Variants in PEBP4 observed in about 807,000 individuals in gnomAD.
The protein encoded by PEBP4 is phosphatidylethanolamine binding protein 4.
Under a neutral mutation model 23.9 loss-of-function variants are expected in PEBP4, and 22 were observed. The observed-to-expected ratio is 0.92, with a 90% CI of 0.66 to 1.31. The LOEUF is 1.31. PEBP4 is among the 40% of genes most tolerant of loss of function. The pLI is 0.00. For synonymous variants in PEBP4, 112 were observed against 99.3 expected, an observed-to-expected ratio of 1.13 and a Z score of -0.76; for missense variants, 324 against 281.7, an observed-to-expected ratio of 1.15 and a Z score of -1.07.
rs1807868775 is a variant in PEBP4, at chr8:22,865,389, CGGG to C, written c.259-47657_259-47655del. On this transcript the variant is annotated intron_variant, in intron 3 of 6. Transcript: ENST00000256404. The surrounding 1 kb of genome is among the most constrained non-coding windows in gnomAD (Gnocchi z 6.9). Reference sequence around the variant, plus strand: ...ACGGTGGCGGTGGCGGTGGCGGCGGCGGGACCCCGGGCCTGGCTGCGCGCTCCA... The same window carrying C: ...ACGGTGGCGGTGGCGGTGGCGGCGGCACCCCGGGCCTGGCTGCGCGCTCCA... Among the ~76,000 whole-genome samples, 1 of 150,984 alleles carries C rather than the reference CGGG, an allele frequency of 6.6e-6. No individual in the cohort carries two copies. Among genetic ancestry groups the C allele is most frequent in the Non-Finnish European group, 1.5e-5 (1 of 67,762 alleles).
chr8:22,910,722 T>C (rs1808919789), intron 3 of PEBP4, among the ~76,000 whole-genome samples: 1 of 152,174 alleles, frequency 6.6e-6, no homozygotes, highest in South Asian at 2.1e-4. Flanking sequence ...GACTACATAT[T>C]GTATGATTCC....
chr8:22,832,915 T>C (rs1807116870), intron 3 of PEBP4, among the ~76,000 whole-genome samples: 1 of 149,414 alleles, frequency 6.7e-6, no homozygotes, highest in South Asian at 2.2e-4. Flanking sequence ...TCAGGCTGGG[T>C]CACTGTCCCT....
In PEBP4 at chr8:22,775,351, C is replaced by T. The variant is rs370995594; in HGVS notation, c.357+42286G>A. On this transcript the variant is annotated intron_variant, in intron 4 of 6. Transcript: ENST00000256404. This position sits in a 1 kb window ranked among gnomAD's most constrained non-coding sequence, Gnocchi z 4.8. Reference sequence around the variant, plus strand: ...GGCCCGTCTGCCAGGGAGAAGCCTCCGGGTGGTCTCTGCTGGGTGGGCCCA... The same window carrying T: ...GGCCCGTCTGCCAGGGAGAAGCCTCTGGGTGGTCTCTGCTGGGTGGGCCCA... Among the ~76,000 whole-genome samples the T allele has an allele frequency of 7.6e-4, 116 of 152,352 alleles. No homozygotes were observed. The highest frequency in any genetic ancestry group is 7.7e-4 in the East Asian group (4 of 5,176).
At chr8:22,831,940 G>A (rs1380289260) in intron 3 of PEBP4, among the ~76,000 whole-genome samples, 1 of 152,000 alleles carries the variant, frequency 6.6e-6, no homozygotes, top group Non-Finnish European at 1.5e-5. Flanking sequence ...GCCAGGGGAG[G>A]TTTGTAGATG....
chr8:22,879,222 A>G (rs1808192293), intron 3 of PEBP4: 1 of 152,212 alleles, frequency 6.6e-6, no homozygotes, highest in Non-Finnish European at 1.5e-5. Flanking sequence ...AACGCTCTCA[A>G]TGTTGACAGA....
intron 3 of PEBP4, among the ~76,000 whole-genome samples, chr8:22,859,200 C>G (rs140035373): frequency 2.6e-5 from 4 of 152,330 alleles, no homozygotes; most frequent in African/African-American, 9.6e-5. Context: ...CCAGGGAGCA[C>G]TATCACATGG....
At chr8:22,756,332 C>T (rs560118804) in intron 4 of PEBP4, among the ~76,000 whole-genome samples, 1 of 152,344 alleles carries the variant, frequency 6.6e-6, no homozygotes, top group South Asian at 2.1e-4. Context: ...GCCAGAGACC[C>T]TTAACCCCGG....
intron 4 of PEBP4, among the ~76,000 whole-genome samples, chr8:22,739,757 G>A (rs1434964830): frequency 1.3e-5 from 2 of 152,140 alleles, no homozygotes; most frequent in African/African-American, 2.4e-5. Flanking sequence ...GGTAAGAATG[G>A]CCCCTCAGCC....
intron 2 of PEBP4, among the ~76,000 whole-genome samples, chr8:22,922,610 C>T (rs1446655977): frequency 6.6e-6 from 1 of 151,190 alleles, no homozygotes; most frequent in African/African-American, 2.4e-5. Flanking sequence ...ATGGTAGTGC[C>T]TGCCTGTGTT....
chr8:22,860,201 T>TACAC (rs1197245630), intron 3 of PEBP4, among the ~76,000 whole-genome samples: 3 of 141,320 alleles, frequency 2.1e-5, no homozygotes, highest in Non-Finnish European at 3.1e-5. Flanking sequence ...TGTATATATA[T>TACAC]ATATACACAT....
intron 4 of PEBP4, chr8:22,756,898 C>A (rs1252391077): frequency 3.3e-5 from 5 of 152,232 alleles, no homozygotes; most frequent in Admixed American, 3.3e-4. Context: ...GTCGCAGGTT[C>A]CCTGGATGAT....
rs1198992236 is a variant in PEBP4 at position 22,875,510 on chromosome 8, G to A, written c.258+44674C>T. Among the ~76,000 whole-genome samples, 3 of 152,168 alleles carry A rather than the reference G, an allele frequency of 2.0e-5. No homozygotes were observed. The East Asian group carries it at 5.8e-4, about 29-fold the overall frequency. ...CCTCAAATAGATCCCAGTGTCTGTT[G>A]TTCTGAGCCCCACTCCTTTTTATTT... is the stretch of plus-strand genomic sequence containing the variant. On this transcript the variant is annotated intron_variant, in intron 3 of 6. Transcript: ENST00000256404.
At chr8:22,748,421 C>G (rs1805175531) in intron 4 of PEBP4, among the ~76,000 whole-genome samples, 1 of 151,894 alleles carries the variant, frequency 6.6e-6, no homozygotes, top group Non-Finnish European at 1.5e-5. Flanking sequence ...ACAGAACCCG[C>G]CTGGCAGAGA....
Position 22,817,505 on chromosome 8 carries a change from T to C in PEBP4, c.357+132A>G, listed in dbSNP as rs926871461. 3 of 809,664 alleles carry C rather than the reference T, an allele frequency of 3.7e-6. No individual in the cohort carries two copies. The African/African-American group carries it at 5.1e-5, about 14-fold the overall frequency. The allele number at this position is 809,664 out of a possible 1,614,324, so 50.2% of individuals were successfully genotyped here. ...GAAAACTTGGGAGGGCTTTGATAGC[T>C]GAGCACTGGGGGAGATGGGACACAG... On this transcript the variant is annotated intron_variant, in intron 4 of 6. Transcript: ENST00000256404.
chr8:22,881,957 G>A (rs1323357396), intron 3 of PEBP4, among the ~76,000 whole-genome samples: 2 of 152,186 alleles, frequency 1.3e-5, no homozygotes, highest in African/African-American at 4.8e-5. Context: ...GTAGAAGCCT[G>A]GCTACCTTGT....
At chr8:22,871,857 T>G (rs1808014131) in intron 3 of PEBP4, among the ~76,000 whole-genome samples, 3 of 152,128 alleles carry the variant, frequency 2.0e-5, no homozygotes, top group Admixed American at 2.0e-4. Context: ...TGCCCTGATT[T>G]CTGGGATTTT....
At position 22,890,655 on chromosome 8, in the gene PEBP4, G is replaced by A. The variant is rs146182347; in HGVS notation, c.258+29529C>T. Among the ~76,000 whole-genome samples, 600 of 152,330 alleles carry A rather than the reference G, an allele frequency of 3.9e-3. 2 individuals are homozygous for A. Among genetic ancestry groups the A allele is most frequent in the African/African-American group, 0.013 (521 of 41,568 alleles). ...CTAGAGGTCACTATGTTCAGAGGCC[G>A]CCTGGCAGGTGGCAGGTAGCAGGCA... On this transcript the variant is annotated intron_variant, in intron 3 of 6. Transcript: ENST00000256404.
chr8:22,759,842 A>T (rs1479204438), intron 4 of PEBP4, among the ~76,000 whole-genome samples: 2 of 152,108 alleles, frequency 1.3e-5, no homozygotes, highest in Non-Finnish European at 2.9e-5. Flanking sequence ...GCAACATAGC[A>T]GTGTGACACG....
chr8:22,802,683 A>T (rs910585011), intron 4 of PEBP4, among the ~76,000 whole-genome samples: 2 of 152,218 alleles, frequency 1.3e-5, no homozygotes, highest in African/African-American at 4.8e-5. Flanking sequence ...CGCCAATCTC[A>T]TCGGTGTTCC....
Sources: allele counts gnomAD v4.1 joint callset (sites outside exome capture counted in the v4.1 genomes callset), GRCh38; gene constraint gnomAD v4.1.1; non-coding constraint Gnocchi (gnomAD v3.1); transcripts MANE v1.5; gene names NCBI Gene and HGNC (gene_info 2026-07-23, HGNC 2026-07-21).